MGA: variants seen among roughly 807,000 people sequenced by gnomAD.
MGA encodes MAX dimerization protein MGA.
Under a neutral mutation model 261.1 loss-of-function variants are expected in MGA, and 40 were observed. The ratio of observed to expected loss-of-function variants is 0.15; its 90% CI spans 0.12 to 0.20. The LOEUF is 0.20. MGA is among the 10% of genes least tolerant of loss of function. The pLI is 1.00. For missense variants in MGA, 3,397 were observed against 3,630.5 expected, an observed-to-expected ratio of 0.94 and a Z score of 1.65; for synonymous variants, 1,302 against 1,290.6, an observed-to-expected ratio of 1.01 and a Z score of -0.19.
chr15:41,664,909 G>T lies in MGA; in HGVS notation c.-67-3919G>T, dbSNP rs2057642627. 5.3e-5 allele frequency among the ~76,000 whole-genome samples: 7 copies of T among 132,558 alleles called. No individual in the cohort carries two copies. The South Asian group carries it at 1.9e-3, about 36-fold the overall frequency. 87.0% of individuals were successfully genotyped at this position (132,558 alleles called of 152,430 possible). A position where few individuals can be genotyped will look rare whatever the true frequency, so the allele number is the denominator to read the frequency against. On this transcript the variant is annotated intron_variant, in intron 1 of 23. Coordinates refer to ENST00000219905, the MANE Select transcript of MGA (RefSeq NM_001164273.2). ...AAAAGCTTGAGGCAGCTTTTGAAAA[G>T]AATCACTGTACATTTTATCTCTTTT...
intron 1 of MGA, among the ~76,000 whole-genome samples, chr15:41,645,448 G>A (rs1174084689): frequency 6.6e-6 from 1 of 152,212 alleles, no homozygotes; most frequent in Non-Finnish European, 1.5e-5. Context: ...TTAGCTGGGC[G>A]TGGCATGTGC....
chr15:41,736,669 C>T lies in MGA; in HGVS notation c.4405C>T (p.Pro1469Ser), dbSNP rs2061794420. ...GAAGCTTGTGGCCTATAAACGTAAA[C>T]CCAGTTCAAGTACATCTGGGCTTAT... Residue 1469 changes from proline to serine, a missense_variant, in exon 13 of 24, where the codon CCC becomes TCC. Coordinates refer to ENST00000219905, the MANE Select transcript of MGA (RefSeq NM_001164273.2). The T allele has an allele frequency of 1.9e-6, 3 of 1,612,456 alleles. No homozygotes were observed. Among genetic ancestry groups the T allele is most frequent in the Non-Finnish European group, 2.5e-6 (3 of 1,179,176 alleles).
intron 2 of MGA, among the ~76,000 whole-genome samples, chr15:41,682,639 C>T (rs1176911418): frequency 6.6e-6 from 1 of 152,008 alleles, no homozygotes; most frequent in African/African-American, 2.4e-5. Flanking sequence ...TGCTTCCACG[C>T]CCGGCTAATT....
At chr15:41,707,707 T>G in intron 5 of MGA, 21 bp from the exon 6 acceptor site, 1 of 1,583,832 alleles carries the variant, frequency 6.3e-7, no homozygotes, top group Non-Finnish European at 8.6e-7. Context: ...TATGGAAATA[T>G]GATTTCCTTT....
At chr15:41,731,258 CATG>C (rs2061494778) in intron 11 of MGA, among the ~76,000 whole-genome samples, 2 of 151,908 alleles carry the variant, frequency 1.3e-5, no homozygotes, top group African/African-American at 4.8e-5. Flanking sequence ...TTTCAGATCT[CATG>C]ATAAATAAAA....
At chr15:41,678,456 C>T (rs188746585) in intron 2 of MGA, among the ~76,000 whole-genome samples, 11 of 151,364 alleles carry the variant, frequency 7.3e-5, no homozygotes, top group Admixed American at 3.9e-4. Flanking sequence ...TCCAGTTTCC[C>T]GTCACCATTC....
chr15:41,764,403 G>A (rs2063684522), intron 22 of MGA, among the ~76,000 whole-genome samples: 1 of 151,768 alleles, frequency 6.6e-6, no homozygotes, highest in Admixed American at 6.6e-5. Flanking sequence ...ACAGGCGCCC[G>A]CCACCACGCC....
At chr15:41,690,751 T>G (rs898576662) in intron 2 of MGA, among the ~76,000 whole-genome samples, 29 of 152,230 alleles carry the variant, frequency 1.9e-4, no homozygotes, top group Middle Eastern at 3.4e-3. Flanking sequence ...TGGTGGTATG[T>G]GTCTGTAGTC....
intron 18 of MGA, among the ~76,000 whole-genome samples, chr15:41,756,027 A>G (rs2063131426): frequency 6.6e-6 from 1 of 152,170 alleles, no homozygotes; most frequent in Admixed American, 6.5e-5. Context: ...AAAAAAAAAA[A>G]TTAAAGATTT....
chr15:41,730,526 A>G (rs550744331), intron 11 of MGA, among the ~76,000 whole-genome samples: 1 of 152,294 alleles, frequency 6.6e-6, no homozygotes, highest in South Asian at 2.1e-4. Context: ...TGCACCCTGT[A>G]CCAACAAAAT....
At chr15:41,729,443 A>C (rs892187573) in intron 11 of MGA, 94 bp downstream of exon 11, 12 of 1,212,792 alleles carry the variant, frequency 9.9e-6, no homozygotes, top group Non-Finnish European at 1.4e-5. Context: ...ATTATCCTAC[A>C]GGGCAGAGAA....
intron 2 of MGA, among the ~76,000 whole-genome samples, chr15:41,695,290 G>C (rs2059500927): frequency 6.6e-6 from 1 of 151,896 alleles, no homozygotes; most frequent in African/African-American, 2.4e-5. Flanking sequence ...CCGGGTTCAA[G>C]CGATTATTCT....
intron 2 of MGA, 86 bp from the exon 3 acceptor site, chr15:41,695,989 C>A: frequency 9.6e-7 from 1 of 1,038,720 alleles, no homozygotes; most frequent in Non-Finnish European, 1.4e-6. Flanking sequence ...ACTTGGATTC[C>A]TAACATCTTT....
intron 1 of MGA, among the ~76,000 whole-genome samples, chr15:41,667,192 AT>A (rs1302959412): frequency 1.3e-5 from 2 of 151,882 alleles, no homozygotes; most frequent in African/African-American, 4.8e-5. Context: ...TCTGTTAGGT[AT>A]TTGGTCTTGT....
At chr15:41,665,495 G>T (rs1278908875) in intron 1 of MGA, among the ~76,000 whole-genome samples, 1 of 151,662 alleles carries the variant, frequency 6.6e-6, no homozygotes, top group Non-Finnish European at 1.5e-5. Context: ...CCAGGCTCGA[G>T]GGATCCTCTC....
intron 2 of MGA, among the ~76,000 whole-genome samples, chr15:41,695,023 A>G (rs1216040094): frequency 6.6e-6 from 1 of 152,090 alleles, no homozygotes; most frequent in Non-Finnish European, 1.5e-5. Context: ...TAGTGAATAT[A>G]TATAGTGGTG....
rs376796915 is a variant in MGA at position 41,653,369 on chromosome 15, AG to A, written c.-67-15458del. Among the ~76,000 whole-genome samples, 301 of 146,840 alleles carry A rather than the reference AG, an allele frequency of 2.0e-3. 2 individuals carry two copies. Among genetic ancestry groups the A allele is most frequent in the African/African-American group, 6.8e-3 (274 of 40,296 alleles). On this transcript the variant is annotated intron_variant, in intron 1 of 8. Coordinates refer to the MGA transcript ENST00000566718. ...GGGTGACAGACCGAGACTCCATCTCAGAAAAAAAAACAACAAAAAACAACAA... is the reference window on the plus strand; with the variant it reads ...GGGTGACAGACCGAGACTCCATCTCAAAAAAAAAACAACAAAAAACAACAA...
chr15:41,677,185 A>G (rs1301897221), intron 2 of MGA, among the ~76,000 whole-genome samples: 1 of 152,136 alleles, frequency 6.6e-6, no homozygotes, highest in East Asian at 1.9e-4. Context: ...TGTCGCCCCC[A>G]GGCAGGATTG....
intron 1 of MGA, among the ~76,000 whole-genome samples, chr15:41,633,232 G>C (rs779361836): frequency 1.3e-5 from 2 of 152,106 alleles, no homozygotes; most frequent in African/African-American, 2.4e-5. Context: ...TTACAGGTGT[G>C]AGCCACCACG....
Sources: allele counts gnomAD v4.1 joint callset (sites outside exome capture counted in the v4.1 genomes callset), GRCh38; gene constraint gnomAD v4.1.1; transcripts MANE v1.5; gene names NCBI Gene and HGNC (gene_info 2026-07-23, HGNC 2026-07-21).